FOXP2: variants seen among roughly 807,000 people sequenced by gnomAD.
The protein encoded by FOXP2 is forkhead box P2.
In FOXP2, 12 loss-of-function variants were observed where a neutral mutation model predicts 115.8. The ratio of observed to expected loss-of-function variants is 0.10; its 90% CI spans 0.07 to 0.17. The LOEUF (loss-of-function observed/expected upper bound fraction) is 0.17, where lower values mean the gene tolerates loss of function less well. Ranked by LOEUF, FOXP2 falls within the 10% of genes least tolerant of loss-of-function variation. The probability of loss-of-function intolerance (pLI) is 1.00; values close to 1 mark genes in which losing one functional copy is unlikely to be tolerated. For synonymous variants in FOXP2, 328 were observed against 297.7 expected, an observed-to-expected ratio of 1.10 and a Z score of -1.05; for missense variants, 629 against 843.5, an observed-to-expected ratio of 0.75 and a Z score of 3.15.
chr7:114,448,971 T>C (rs989413955), intron 2 of FOXP2, among the ~76,000 whole-genome samples: 1 of 152,080 alleles, frequency 6.6e-6, no homozygotes, highest in Non-Finnish European at 1.5e-5. Context: ...AAATTGCATA[T>C]TTTAGCCATT....
intron 3 of FOXP2, among the ~76,000 whole-genome samples, chr7:114,571,591 A>T (rs1801305584): frequency 1.3e-5 from 2 of 151,850 alleles, no homozygotes; most frequent in South Asian, 4.1e-4. Context: ...CAGATCCAAA[A>T]TAGTTGGGGA....
chr7:114,321,175 CTTTATTTA>C (rs60714472), intron 2 of FOXP2, among the ~76,000 whole-genome samples: 1,506 of 140,830 alleles, frequency 0.011, 18 homozygotes, highest in Admixed American at 0.016. Context: ...TATCTAGTAA[CTTTATTTA>C]TTTATTTATT....
At chr7:114,133,528 T>A (rs145448893) in intron 1 of FOXP2, among the ~76,000 whole-genome samples, 13 of 152,328 alleles carry the variant, frequency 8.5e-5, no homozygotes, top group Non-Finnish European at 1.5e-4. Flanking sequence ...GTTCCACTGT[T>A]GATATTTTGA....
intron 3 of FOXP2, among the ~76,000 whole-genome samples, chr7:114,621,906 T>C (rs999704246): frequency 5.3e-5 from 8 of 152,020 alleles, no homozygotes; most frequent in African/African-American, 1.7e-4. Context: ...GTACATTTCA[T>C]TGAAAAATAT....
chr7:114,684,749 A>G (rs1299698453), intron 16 of FOXP2, among the ~76,000 whole-genome samples: 1 of 152,170 alleles, frequency 6.6e-6, no homozygotes, highest in African/African-American at 2.4e-5. Flanking sequence ...TCAAAATGTC[A>G]TTTTTTATAA....
At chr7:114,681,226 A>G (rs1247658890) in intron 16 of FOXP2, among the ~76,000 whole-genome samples, 1 of 152,154 alleles carries the variant, frequency 6.6e-6, no homozygotes, top group Non-Finnish European at 1.5e-5. Context: ...GATAATGTTA[A>G]TATGTTATTG....
At chr7:114,571,033 T>C in intron 3 of FOXP2, 2 of 728,790 alleles carry the variant, frequency 2.7e-6, no homozygotes, top group Non-Finnish European at 2.4e-6. Context: ...ACAGATGTAA[T>C]TAGTTGATTT....
At chr7:114,162,865 C>T (rs1792878905), upstream of FOXP2, 3 of 151,802 alleles carry the variant, frequency 2.0e-5, no homozygotes, top group South Asian at 6.2e-4. Context: ...TAATAGGAAG[C>T]TTCAACCCCC....
intron 7 of FOXP2, among the ~76,000 whole-genome samples, chr7:114,643,954 A>G (rs532625808): frequency 2.0e-5 from 3 of 152,316 alleles, no homozygotes; most frequent in South Asian, 2.1e-4. Flanking sequence ...ATAAAATTCT[A>G]TAATTCAGTG....
intron 1 of FOXP2, among the ~76,000 whole-genome samples, chr7:114,268,270 T>G (rs1795948264): frequency 6.6e-6 from 1 of 152,204 alleles, no homozygotes. Flanking sequence ...GTGGAACTTA[T>G]AATCAACTCA....
chr7:114,655,280 C>T (rs981724711), intron 10 of FOXP2, among the ~76,000 whole-genome samples: 1 of 152,006 alleles, frequency 6.6e-6, no homozygotes. Flanking sequence ...TGTTCTTTTC[C>T]AATTAATTAT....
chr7:114,615,954 C>G (rs756709917), intron 3 of FOXP2, among the ~76,000 whole-genome samples: 1 of 152,146 alleles, frequency 6.6e-6, no homozygotes, highest in Non-Finnish European at 1.5e-5. Flanking sequence ...AGATGATCCT[C>G]TTTGTTTAAC....
intron 3 of FOXP2, chr7:114,561,646 A>G (rs1800763397): frequency 1.3e-5 from 2 of 152,210 alleles, no homozygotes; most frequent in Admixed American, 1.3e-4. Flanking sequence ...CTTAACAGGT[A>G]AAAGAAAATA....
At chr7:114,235,376 C>G (rs1474695007) in intron 1 of FOXP2, among the ~76,000 whole-genome samples, 1 of 147,774 alleles carries the variant, frequency 6.8e-6, no homozygotes, top group Admixed American at 6.7e-5. Flanking sequence ...TTTTTTTTTT[C>G]TTGCAGCACC....
intron 3 of FOXP2, among the ~76,000 whole-genome samples, chr7:114,535,093 G>A (rs921831792): frequency 6.6e-6 from 1 of 151,658 alleles, no homozygotes. Flanking sequence ...CAACCCTTCC[G>A]CAGTTGTATC....
intron 2 of FOXP2, among the ~76,000 whole-genome samples, chr7:114,439,446 C>T (rs1237327032): frequency 1.3e-5 from 2 of 152,036 alleles, no homozygotes; most frequent in African/African-American, 4.8e-5. Flanking sequence ...TTAATCATTA[C>T]TTCAGATTTT....
chr7:114,278,177 G>T (rs1796240179), intron 1 of FOXP2, among the ~76,000 whole-genome samples: 1 of 152,010 alleles, frequency 6.6e-6, no homozygotes, highest in South Asian at 2.1e-4. Flanking sequence ...GCTCACTTCT[G>T]TTAATGAAAG....
At chr7:114,577,374 C>G (rs1376256702) in intron 3 of FOXP2, among the ~76,000 whole-genome samples, 2 of 151,868 alleles carry the variant, frequency 1.3e-5, no homozygotes, top group Non-Finnish European at 2.9e-5. Context: ...TTTTGTTATG[C>G]TATAATAACT....
chr7:114,481,248 G>A (rs969556803), intron 2 of FOXP2, among the ~76,000 whole-genome samples: 1 of 150,832 alleles, frequency 6.6e-6, no homozygotes, highest in Non-Finnish European at 1.5e-5. Flanking sequence ...GCCCCCTCAT[G>A]TACATATTTT....
Sources: allele counts gnomAD v4.1 joint callset (sites outside exome capture counted in the v4.1 genomes callset), GRCh38; gene constraint gnomAD v4.1.1; transcripts MANE v1.5; gene names NCBI Gene and HGNC (gene_info 2026-07-23, HGNC 2026-07-21).